NMT1: variants seen among roughly 807,000 people sequenced by gnomAD.
The protein encoded by NMT1 is N-myristoyltransferase 1, also known as glycylpeptide N-tetradecanoyltransferase 1.
In NMT1, 12 loss-of-function variants were observed where a neutral mutation model predicts 63.4. The observed-to-expected ratio is 0.19, with a 90% confidence interval of 0.12 to 0.31. NMT1 has a LOEUF of 0.31. Ranked by LOEUF, NMT1 falls within the 10% of genes least tolerant of loss-of-function variation. The probability of loss-of-function intolerance (pLI) is 1.00; values close to 1 mark genes in which losing one functional copy is unlikely to be tolerated. For synonymous variants in NMT1, 228 were observed against 234.3 expected (o/e 0.97, Z 0.25); for missense variants, 432 against 634.6 (o/e 0.68, Z 3.43).
chr17:45,100,862 CAAAAAAAAAAAAAAAAAAAAA>C (rs71136069), intron 8 of NMT1, among the ~76,000 whole-genome samples: 21 of 32,606 alleles, frequency 6.4e-4, no homozygotes, highest in Non-Finnish European at 8.0e-4. Flanking sequence ...GACTCCGTCT[CAAAAAAAAAAAAAAAAAAAAA>C]AAAAAAAAAA....
chr17:45,093,166 G>A (rs184155047), intron 3 of NMT1, among the ~76,000 whole-genome samples: 9 of 152,370 alleles, frequency 5.9e-5, no homozygotes, highest in African/African-American at 2.2e-4. Flanking sequence ...TGAGTTGGCA[G>A]TAGCAGTTAA....
intron 1 of NMT1, among the ~76,000 whole-genome samples, chr17:45,069,851 C>G (rs918686808): frequency 4.0e-5 from 6 of 151,474 alleles, no homozygotes; most frequent in Non-Finnish European, 7.4e-5. Context: ...CCACTGCACT[C>G]CAGCCTGGCA....
chr17:45,067,132 C>T (rs141480008), intron 1 of NMT1, among the ~76,000 whole-genome samples: 202 of 151,568 alleles, frequency 1.3e-3, no homozygotes, highest in African/African-American at 4.6e-3. Flanking sequence ...CAGCATCCCC[C>T]TGTAGTTCGT....
chr17:45,105,089 G>T lies in NMT1; in HGVS notation c.1470+93G>T. 6.5e-7 allele frequency: 1 copy of T among 1,533,116 alleles called. No individual in the cohort carries two copies. 95.0% of individuals were successfully genotyped at this position (1,533,116 alleles called of 1,614,324 possible). The stretch of plus-strand genomic sequence containing the variant: ...GCCATGGGTTGAGGAGACAGCCGCA[G>T]TCTGGGTCCTTGTTACCTCGAGTTG... On this transcript the variant is annotated intron_variant, in intron 11 of 11. Transcript: ENST00000258960. The surrounding 1 kb of genome is among the most constrained non-coding windows in gnomAD (Gnocchi z 4.2).
chr17:45,104,886 G>A lies in NMT1; in HGVS notation c.1360G>A (p.Asp454Asn). Residue 454 changes from aspartate (D) to asparagine (N), a missense_variant, in exon 11 of 12, where the codon GAT (aspartate) becomes AAT (asparagine). By Grantham distance (23) the Asp-to-Asn change is conservative. Transcript: ENST00000258960. The surrounding 1 kb of genome is among the most constrained non-coding windows in gnomAD (Gnocchi z 4.2). ...AGGGTTTGATGTGTTCAATGCACTG[G>A]ATCTCATGGAGAACAAAACCTTCCT... ...MKGFDVFNAL[D>N]LMENKTFLEK... 1 of 1,614,228 alleles carries A rather than the reference G, an allele frequency of 6.2e-7. No individual in the cohort carries two copies. Among genetic ancestry groups the A allele is most frequent in the Non-Finnish European group, 8.5e-7 (1 of 1,180,042 alleles).
rs543985247 is a variant in NMT1 at position 45,081,870 on chromosome 17, A to C, written c.240+118A>C. Reference sequence around the variant, plus strand: ...CTCCACTGGTATTACTTCAAGATGGAAGAGTTGGATCCCAGTGCTGTCCTC... The same window carrying C: ...CTCCACTGGTATTACTTCAAGATGGCAGAGTTGGATCCCAGTGCTGTCCTC... On this transcript the variant is annotated intron_variant, in intron 2 of 11. Coordinates refer to ENST00000258960, the MANE Select transcript of NMT1 (RefSeq NM_021079.5). The C allele has an allele frequency of 1.5e-5, 12 of 801,176 alleles. No homozygotes were observed. The African/African-American group carries it at 1.9e-4, about 13-fold the overall frequency. The allele number at this position is 801,176 out of a possible 1,614,324, so 49.6% of individuals were successfully genotyped here.
At chr17:45,063,552 G>C (rs142750421) in intron 1 of NMT1, among the ~76,000 whole-genome samples, 263 of 152,170 alleles carry the variant, frequency 1.7e-3, no homozygotes, top group African/African-American at 5.7e-3. Flanking sequence ...AGTGTCCTTA[G>C]GTTTGTGCCC....
chr17:45,105,762 C>A lies in NMT1; in HGVS notation c.*123C>A. The A allele has an allele frequency of 1.0e-6, 1 of 979,256 alleles. No homozygotes were observed. The highest frequency in any genetic ancestry group is 1.5e-6 in the Non-Finnish European group (1 of 654,210). The allele number at this position is 979,256 out of a possible 1,614,324, so 60.7% of individuals were successfully genotyped here. On this transcript the variant is annotated 3_prime_UTR_variant, in exon 12 of 12. Transcript: ENST00000258960. This position sits in a 1 kb window ranked among gnomAD's most constrained non-coding sequence, Gnocchi z 4.2. ...CCTGGCAAAGGGAGCAGAACTGAAC[C>A]GGCTTTACCAAACCGCCAGCGAACT... is the stretch of plus-strand genomic sequence containing the variant.
intron 8 of NMT1, among the ~76,000 whole-genome samples, chr17:45,101,609 C>T (rs2054166240): frequency 7.9e-6 from 1 of 126,760 alleles, no homozygotes; most frequent in Admixed American, 8.6e-5. Context: ...CAGAGCAAGA[C>T]TCCGTCGCAA....
At chr17:45,071,365 G>A (rs2053938390) in intron 1 of NMT1, 1 of 152,184 alleles carries the variant, frequency 6.6e-6, no homozygotes, top group African/African-American at 2.4e-5. Flanking sequence ...TGTGTGTAGA[G>A]ACAAGATCTC....
Position 45,105,636 on chromosome 17 carries a change from A to G in NMT1, c.1488A>G (p.Gln496=). 6.2e-7 allele frequency: 1 copy of G among 1,613,338 alleles called. No homozygotes were observed. Among genetic ancestry groups the G allele is most frequent in the Non-Finnish European group, 8.5e-7 (1 of 1,179,814 alleles). ...TTTCCTAGGTTGGACTGGTGCTACA[A>G]TAACCAGTCACCAGTGCGATTCTGG... The part of the protein sequence containing the change: ...MGAEKVGLVL[Q] The change falls in exon 12 of 12, where the codon CAA becomes CAG. Residue 496 remains glutamine, a synonymous_variant. Coordinates refer to ENST00000258960, the MANE Select transcript of NMT1 (RefSeq NM_021079.5). The surrounding 1 kb of genome is among the most constrained non-coding windows in gnomAD (Gnocchi z 4.2).
At chr17:45,076,413 C>T (rs967988300) in intron 1 of NMT1, among the ~76,000 whole-genome samples, 1 of 150,222 alleles carries the variant, frequency 6.7e-6, no homozygotes, top group African/African-American at 2.5e-5. Context: ...ACGGATGGGG[C>T]TCAATACTTG....
chr17:45,100,732 G>A (rs1335356423), intron 8 of NMT1, among the ~76,000 whole-genome samples: 17 of 148,452 alleles, frequency 1.1e-4, no homozygotes, highest in Middle Eastern at 3.6e-3. Flanking sequence ...GTGGCGTGGC[G>A]GGCACCTGTA....
intron 2 of NMT1, among the ~76,000 whole-genome samples, chr17:45,082,059 C>G (rs2054020396): frequency 6.6e-6 from 1 of 152,196 alleles, no homozygotes; most frequent in Non-Finnish European, 1.5e-5. Flanking sequence ...CCCCTGGCGC[C>G]TAGAGCAGTG....
intron 1 of NMT1, among the ~76,000 whole-genome samples, chr17:45,067,711 G>A (rs1476609917): frequency 2.0e-5 from 3 of 152,168 alleles, no homozygotes; most frequent in East Asian, 1.9e-4. Context: ...CTAGATCAAA[G>A]CAGAATGGAA....
In NMT1 at chr17:45,104,550, A is replaced by C; in HGVS notation, c.1333-309A>C. ...AATGGGCTCAGGGTTTGGACTCCAG[A>C]GAGGACTGTGGAAATTACTAGAGTT... On this transcript the variant is annotated intron_variant, in intron 10 of 11. Transcript: ENST00000258960. The surrounding 1 kb of genome is among the most constrained non-coding windows in gnomAD (Gnocchi z 4.2). 3 of 1,174,276 alleles carry C rather than the reference A, an allele frequency of 2.6e-6. No individual in the cohort carries two copies. The highest frequency in any genetic ancestry group is 3.2e-6 in the Non-Finnish European group (3 of 944,398). 72.7% of individuals were successfully genotyped at this position (1,174,276 alleles called of 1,614,324 possible).
At position 45,105,602 on chromosome 17, in the gene NMT1, CCT is replaced by C. The variant is rs1339423359; in HGVS notation, c.1471-16_1471-15del. On this transcript the variant is annotated splice_polypyrimidine_tract_variant and intron_variant, in intron 11 of 11. Coordinates refer to ENST00000258960, the MANE Select transcript of NMT1 (RefSeq NM_021079.5). The surrounding 1 kb of genome is among the most constrained non-coding windows in gnomAD (Gnocchi z 4.2). ...CACTGTCAACTCAGCTCTGCCTCTC[CCT>C]GTTGGCTTTCCTAGGTTGGACTGGT... 3 of 1,612,982 alleles carry C rather than the reference CCT, an allele frequency of 1.9e-6. No individual in the cohort carries two copies. Among genetic ancestry groups the C allele is most frequent in the Non-Finnish European group, 2.5e-6 (3 of 1,179,736 alleles).
chr17:45,105,007 C>T lies in NMT1; in HGVS notation c.1470+11C>T, dbSNP rs948884679. ...ATGGGGGCAGAGAAGGTAGGCGACACATAGCCAGAGTCCAGGCTGCCCGGC... is the reference window on the plus strand; with the variant it reads ...ATGGGGGCAGAGAAGGTAGGCGACATATAGCCAGAGTCCAGGCTGCCCGGC... On this transcript the variant is annotated intron_variant, in intron 11 of 11. Transcript: ENST00000258960. This position sits in a 1 kb window ranked among gnomAD's most constrained non-coding sequence, Gnocchi z 4.2. 3.1e-6 allele frequency: 5 copies of T among 1,613,942 alleles called. No individual in the cohort carries two copies. In the African/African-American group the frequency reaches 6.7e-5, roughly 22 times the overall value.
chr17:45,087,425 A>C (rs1160465890), intron 3 of NMT1, among the ~76,000 whole-genome samples: 3 of 152,164 alleles, frequency 2.0e-5, no homozygotes, highest in Admixed American at 2.0e-4. Flanking sequence ...GGAATACTAT[A>C]TATAGATTTC....
Sources: gnomAD v4.1 joint callset for allele counts (sites outside exome capture counted in the v4.1 genomes callset) on GRCh38, gnomAD v4.1.1 for gene constraint, Gnocchi (gnomAD v3.1) non-coding constraint, MANE v1.5 for transcripts, NCBI Gene and HGNC (gene_info 2026-07-23, HGNC 2026-07-21) for gene names.